TENM4: variants seen among roughly 807,000 people sequenced by gnomAD.
TENM4 encodes the protein teneurin transmembrane protein 4.
Under a neutral mutation model 243.3 loss-of-function variants are expected in TENM4, and 82 were observed. The observed-to-expected ratio is 0.34, with a 90% CI of 0.28 to 0.40. The LOEUF (loss-of-function observed/expected upper bound fraction) is 0.40, where lower values mean the gene tolerates loss of function less well. Among genes scored for constraint, TENM4 ranks in the 10% least tolerant of loss-of-function variants. The pLI is 1.00. For missense variants in TENM4, 3,138 were observed against 3,673.3 expected (o/e 0.85, Z 3.77); for synonymous variants, 1,412 against 1,456.3 (o/e 0.97, Z 0.69).
intron 1 of TENM4, among the ~76,000 whole-genome samples, chr11:79,317,118 A>C (rs1165952214): frequency 6.6e-6 from 1 of 152,236 alleles, no homozygotes; most frequent in Non-Finnish European, 1.5e-5. Flanking sequence ...CCAGGCTAGC[A>C]GTTTATAAAA....
At chr11:79,289,984 T>TG (rs1488909380) in intron 2 of TENM4, among the ~76,000 whole-genome samples, 2 of 151,818 alleles carry the variant, frequency 1.3e-5, no homozygotes, top group Non-Finnish European at 2.9e-5. Context: ...TAAGTAGAGA[T>TG]GGGGTTTTGC....
chr11:79,242,389 T>C (rs979050763), intron 2 of TENM4, among the ~76,000 whole-genome samples: 2 of 151,750 alleles, frequency 1.3e-5, no homozygotes, highest in Admixed American at 1.3e-4. Context: ...AAAATAAAAA[T>C]AAAAAACCAG....
intron 3 of TENM4, among the ~76,000 whole-genome samples, chr11:79,150,163 C>T (rs1862476218): frequency 6.6e-6 from 1 of 152,116 alleles, no homozygotes; most frequent in Admixed American, 6.5e-5. Flanking sequence ...CTTTCAAATC[C>T]ATCCTTGTTA....
At chr11:78,887,405 C>T (rs560863859) in intron 9 of TENM4, among the ~76,000 whole-genome samples, 18 of 152,316 alleles carry the variant, frequency 1.2e-4, no homozygotes, top group Non-Finnish European at 2.2e-4. Context: ...GTAAATCAGT[C>T]ACTGTTTCAG....
chr11:78,945,237 A>G (rs1856983883), intron 6 of TENM4, among the ~76,000 whole-genome samples: 1 of 152,192 alleles, frequency 6.6e-6, no homozygotes, highest in Non-Finnish European at 1.5e-5. Flanking sequence ...TTCCAACAGC[A>G]CATGCCCACC....
At chr11:78,989,967 G>A (rs939187042) in intron 6 of TENM4, among the ~76,000 whole-genome samples, 4 of 151,980 alleles carry the variant, frequency 2.6e-5, no homozygotes, top group African/African-American at 9.7e-5. Context: ...AGGAGGCTAA[G>A]GTGGGAGAGT....
At position 78,708,564 on chromosome 11, in the gene TENM4, G is replaced by T; in HGVS notation, c.4055-49C>A. ...GGAACTCAGCATCAGAGATGACAAT[G>T]ACCCGCACATTCCTGGAGCCTTGCT... On this transcript the variant is annotated intron_variant, in intron 26 of 33. Coordinates refer to ENST00000278550, the MANE Select transcript of TENM4 (RefSeq NM_001098816.3). The T allele has an allele frequency of 1.9e-6, 3 of 1,595,048 alleles. No homozygotes were observed. In the South Asian group the frequency reaches 3.4e-5, roughly 18 times the overall value.
At chr11:79,159,174 G>A (rs200569896) in intron 3 of TENM4, among the ~76,000 whole-genome samples, 77 of 152,236 alleles carry the variant, frequency 5.1e-4, no homozygotes, top group Admixed American at 4.0e-3. Flanking sequence ...TCTGTGATAT[G>A]AGCAGGAAAC....
rs111673295 is a variant in TENM4 at position 79,177,059 on chromosome 11, G to A, written c.-162-28253C>T. Among the ~76,000 whole-genome samples the A allele has an allele frequency of 1.9e-4, 29 of 152,138 alleles. 1 individual carries two copies. The highest frequency in any genetic ancestry group is 4.3e-4 in the African/African-American group (18 of 41,520). On this transcript the variant is annotated intron_variant, in intron 3 of 33. Transcript: ENST00000278550. ...AACTTCACAATATGCAGACATGACCGTGCCACTTATCTGTTCTAAGCCCTA... is the reference window on the plus strand; with the variant it reads ...AACTTCACAATATGCAGACATGACCATGCCACTTATCTGTTCTAAGCCCTA...
chr11:79,141,160 C>T (rs1341653277), intron 4 of TENM4, among the ~76,000 whole-genome samples: 1 of 152,046 alleles, frequency 6.6e-6, no homozygotes, highest in Non-Finnish European at 1.5e-5. Context: ...TTCCCTTCTT[C>T]TCTGGGCCTC....
At chr11:79,074,350 C>A (rs1860484835) in intron 4 of TENM4, among the ~76,000 whole-genome samples, 1 of 151,714 alleles carries the variant, frequency 6.6e-6, no homozygotes, top group East Asian at 2.0e-4. Context: ...AGCCCCCCGG[C>A]AGAAGGACAG....
At chr11:79,416,478 G>A (rs1426428913) in intron 1 of TENM4, among the ~76,000 whole-genome samples, 1 of 152,086 alleles carries the variant, frequency 6.6e-6, no homozygotes, top group Non-Finnish European at 1.5e-5. Context: ...ATGATACTGA[G>A]CATTCTTTCA....
At chr11:79,219,994 C>G (rs1864126760) in intron 2 of TENM4, among the ~76,000 whole-genome samples, 1 of 152,214 alleles carries the variant, frequency 6.6e-6, no homozygotes, top group Non-Finnish European at 1.5e-5. Flanking sequence ...TAGTTTTTGT[C>G]TTTCCCTTCT....
At chr11:79,076,541 G>A (rs1454732484) in intron 4 of TENM4, 4 of 152,164 alleles carry the variant, frequency 2.6e-5, no homozygotes, top group South Asian at 2.1e-4. Flanking sequence ...GGGAAAAACC[G>A]GCCCCCATGA....
At chr11:78,916,794 C>T (rs1388963815) in intron 6 of TENM4, among the ~76,000 whole-genome samples, 2 of 152,092 alleles carry the variant, frequency 1.3e-5, no homozygotes, top group Admixed American at 6.6e-5. Context: ...ATATTTCAGG[C>T]CCTAGCATTG....
intron 1 of TENM4, among the ~76,000 whole-genome samples, chr11:79,374,404 T>C (rs1857848825): frequency 2.0e-5 from 3 of 152,280 alleles, no homozygotes; most frequent in South Asian, 4.1e-4. Context: ...ATAAACATTT[T>C]ACATACTGAC....
At chr11:79,283,867 T>C (rs1856202434) in intron 2 of TENM4, among the ~76,000 whole-genome samples, 1 of 152,282 alleles carries the variant, frequency 6.6e-6, no homozygotes, top group South Asian at 2.1e-4. Context: ...GTTTGAAGGA[T>C]ACCAGATCAA....
At chr11:79,420,839 A>G (rs556767284) in intron 1 of TENM4, among the ~76,000 whole-genome samples, 3 of 152,350 alleles carry the variant, frequency 2.0e-5, no homozygotes, top group East Asian at 3.9e-4. Flanking sequence ...CAGTCACTCC[A>G]GAGTCAGATA....
intron 6 of TENM4, among the ~76,000 whole-genome samples, chr11:78,942,444 CAAAA>C (rs200858107): frequency 2.4e-5 from 3 of 124,846 alleles, no homozygotes; most frequent in African/African-American, 3.1e-5. Flanking sequence ...GACCCTGTCT[CAAAA>C]AAAAAAAAAA....
Sources: allele counts gnomAD v4.1 joint callset (sites outside exome capture counted in the v4.1 genomes callset), GRCh38; gene constraint gnomAD v4.1.1; transcripts MANE v1.5; gene names NCBI Gene and HGNC (gene_info 2026-07-23, HGNC 2026-07-21).